UFM1: variants seen among roughly 807,000 people sequenced by gnomAD.
UFM1 encodes the protein ubiquitin-fold modifier 1.
In UFM1, 9 loss-of-function variants were observed where a neutral mutation model predicts 15.4. The ratio of observed to expected loss-of-function variants is 0.59; its 90% CI spans 0.35 to 1.02. The LOEUF (loss-of-function observed/expected upper bound fraction) is 1.02, where lower values mean the gene tolerates loss of function less well. Ranked by LOEUF, UFM1 falls within the 50% of genes least tolerant of loss-of-function variation. The pLI, the probability that UFM1 is intolerant of heterozygous loss-of-function variation, is 0.02. For missense variants in UFM1, 98 were observed against 104.7 expected (o/e 0.94, Z 0.28); for synonymous variants, 27 against 36.3 (o/e 0.74, Z 0.92).
chr13:38,357,547 C>T (rs1378859729), intron 3 of UFM1, among the ~76,000 whole-genome samples: 1 of 150,792 alleles, frequency 6.6e-6, no homozygotes, highest in Non-Finnish European at 1.5e-5. Context: ...ATGATATAGT[C>T]CAGTTGACCC....
At chr13:38,354,426 AAGT>A in intron 3 of UFM1, 130 bp downstream of exon 3, 1 of 632,066 alleles carries the variant, frequency 1.6e-6, no homozygotes, top group Non-Finnish European at 2.5e-6. Context: ...TGTTATCAAA[AAGT>A]AGGATGATAG....
At chr13:38,355,076 G>A (rs1693418108) in intron 3 of UFM1, among the ~76,000 whole-genome samples, 1 of 151,938 alleles carries the variant, frequency 6.6e-6, no homozygotes, top group Non-Finnish European at 1.5e-5. Context: ...AAACAGGTAC[G>A]TTGTAACCCA....
chr13:38,356,139 T>A (rs184420646), intron 3 of UFM1, among the ~76,000 whole-genome samples: 2 of 152,032 alleles, frequency 1.3e-5, no homozygotes, highest in Admixed American at 6.5e-5. Flanking sequence ...TCCTCATGGT[T>A]TAACCATTTC....
intron 2 of UFM1, among the ~76,000 whole-genome samples, chr13:38,351,163 C>A (rs1354580578): frequency 1.3e-5 from 2 of 152,186 alleles, no homozygotes. Context: ...AAATCATTCT[C>A]ATGCAAACAC....
chr13:38,361,276 A>C lies in UFM1; in HGVS notation c.*498A>C, dbSNP rs372903219. ...TAGACATATCAGTGAACAGTTAACT[A>C]TATTAAATTTTTATCATTTACTTTT... On this transcript the variant is annotated 3_prime_UTR_variant, in exon 6 of 6. Coordinates refer to ENST00000239878, the MANE Select transcript of UFM1 (RefSeq NM_016617.4). 6.6e-6 allele frequency: 1 copy of C among 152,016 alleles called. No homozygotes were observed. Among genetic ancestry groups the C allele is most frequent in the Non-Finnish European group, 1.5e-5 (1 of 68,028 alleles). 9.4% of individuals were successfully genotyped at this position (152,016 alleles called of 1,614,324 possible).
In UFM1 at chr13:38,361,073, G is replaced by C. The variant is rs1879359518; in HGVS notation, c.*295G>C. ...AGCCAACTGTTAACTGGAAGCTTTT[G>C]ATAATTTTTTTTTTTAGAACAATTT... On this transcript the variant is annotated 3_prime_UTR_variant, in exon 6 of 6. Transcript: ENST00000239878. 1 of 245,112 alleles carries C rather than the reference G, an allele frequency of 4.1e-6. No homozygotes were observed. Among genetic ancestry groups the C allele is most frequent in the African/African-American group, 2.2e-5 (1 of 44,708 alleles). The allele number at this position is 245,112 out of a possible 1,614,324, so 15.2% of individuals were successfully genotyped here.
chr13:38,360,677 G>C (rs767293147), intron 5 of UFM1, 34 bp from the exon 6 acceptor site: 50 of 1,471,272 alleles, frequency 3.4e-5, no homozygotes, highest in Non-Finnish European at 4.5e-5. Context: ...TTGATTTTTA[G>C]ATATCTAACT....
At position 38,358,137 on chromosome 13, in the gene UFM1, G is replaced by GAAA; in HGVS notation, c.157+7_157+8insAAA. On this transcript the variant is annotated splice_donor_region_variant and intron_variant, in intron 4 of 5. Transcript: ENST00000239878. ...CAAGTGCAATTATTACCAATGGTAA[G>GAAA]AATTCACTATAAAATTATGTATTAC... 6.9e-7 allele frequency: 1 copy of GAAA among 1,447,748 alleles called. No individual in the cohort carries two copies. Among genetic ancestry groups the GAAA allele is most frequent in the Non-Finnish European group, 9.2e-7 (1 of 1,085,906 alleles). 89.7% of individuals were successfully genotyped at this position (1,447,748 alleles called of 1,614,324 possible).
chr13:38,362,690 C>T lies in UFM1; in HGVS notation c.*1912C>T, dbSNP rs1879473392. On this transcript the variant is annotated 3_prime_UTR_variant, in exon 6 of 6. Transcript: ENST00000239878. ...TAGTTAAGCAGGAATTTATGAACAC[C>T]CATTTCCTGACTTTTTGCTTTAATT... 1 of 151,878 alleles carries T rather than the reference C, an allele frequency of 6.6e-6. No homozygotes were observed. The highest frequency in any genetic ancestry group is 1.5e-5 in the Non-Finnish European group (1 of 67,960). The allele number at this position is 151,878 out of a possible 1,614,324, so 9.4% of individuals were successfully genotyped here.
intron 3 of UFM1, among the ~76,000 whole-genome samples, chr13:38,355,303 A>G (rs554868860): frequency 1.3e-5 from 2 of 152,140 alleles, no homozygotes; most frequent in African/African-American, 4.8e-5. Flanking sequence ...ACTGCCAACT[A>G]GTAGCATTTG....
At chr13:38,359,766 C>G (rs1416689406) in intron 5 of UFM1, 1 of 161,732 alleles carries the variant, frequency 6.2e-6, no homozygotes, top group Non-Finnish European at 1.3e-5. Flanking sequence ...GGGGCTGAGT[C>G]TACATTCAGA....
chr13:38,351,915 CTG>C (rs148865827), intron 2 of UFM1, among the ~76,000 whole-genome samples: 4,346 of 152,100 alleles, frequency 0.029, 237 homozygotes, highest in African/African-American at 0.1. Flanking sequence ...ACAAGGGTAT[CTG>C]TGCTATATTT....
At chr13:38,351,831 G>A (rs1878867138) in intron 2 of UFM1, among the ~76,000 whole-genome samples, 1 of 152,172 alleles carries the variant, frequency 6.6e-6, no homozygotes, top group Non-Finnish European at 1.5e-5. Context: ...GTATGTATGT[G>A]TGCGTGTGTA....
intron 4 of UFM1, 152 bp from the exon 5 acceptor site, chr13:38,359,149 C>T: frequency 1.7e-6 from 1 of 574,070 alleles, no homozygotes; most frequent in Admixed American, 3.3e-5. Flanking sequence ...GATAATTTAC[C>T]TGAAAGATTG....
chr13:38,358,069 ATATT>A lies in UFM1; in HGVS notation c.118-22_118-19del. ...TGTGTGTGTGTGTGTATATATATATATATTTTTTTTTCCTTCTATTTAGTTTAAA... is the reference window on the plus strand; with the variant it reads ...TGTGTGTGTGTGTGTATATATATATATTTTTTTCCTTCTATTTAGTTTAAA... On this transcript the variant is annotated intron_variant, in intron 3 of 5. Transcript: ENST00000239878. 1 of 969,054 alleles carries A rather than the reference ATATT, an allele frequency of 1.0e-6. No homozygotes were observed. The highest frequency in any genetic ancestry group is 1.9e-5 in the African/African-American group (1 of 52,716). The allele number at this position is 969,054 out of a possible 1,614,324, so 60.0% of individuals were successfully genotyped here.
chr13:38,359,266 A>G (rs1475105350), intron 4 of UFM1, 35 bp from the exon 5 acceptor site: 5 of 1,601,402 alleles, frequency 3.1e-6, no homozygotes, highest in Non-Finnish European at 4.3e-6. Context: ...TTAGCTTTAG[A>G]AATAATGTAT....
At position 38,357,950 on chromosome 13, in the gene UFM1, T is replaced by C. The variant is rs140394503; in HGVS notation, c.118-143T>C. 110 of 378,378 alleles carry C rather than the reference T, an allele frequency of 2.9e-4. 1 individual carries two copies. In the Middle Eastern group the frequency reaches 5.5e-3, roughly 19 times the overall value. 23.4% of individuals were successfully genotyped at this position (378,378 alleles called of 1,614,324 possible). On this transcript the variant is annotated intron_variant, in intron 3 of 5. Coordinates refer to ENST00000239878, the MANE Select transcript of UFM1 (RefSeq NM_016617.4). ...CAAGGGTCAGCTGTACTTTCCTTGA[T>C]AGTTTCACTTATTCTAAAAGATTAA...
rs763421864 is a variant in UFM1 at position 38,362,489 on chromosome 13, ACT to A, written c.*1716_*1717del. 1.3e-4 allele frequency: 19 copies of A among 146,400 alleles called. No individual in the cohort carries two copies. Among genetic ancestry groups the A allele is most frequent in the Admixed American group, 4.8e-4 (7 of 14,580 alleles). 9.1% of individuals were successfully genotyped at this position (146,400 alleles called of 1,614,324 possible). ...TTTTGTTTTTTTTTTTTTGAGGCAG[ACT>A]CTCTGTCGCCAGGCTTCTCCTGCCT... On this transcript the variant is annotated 3_prime_UTR_variant, in exon 6 of 6. Coordinates refer to ENST00000239878, the MANE Select transcript of UFM1 (RefSeq NM_016617.4).
At chr13:38,357,218 T>G (rs1389597247) in intron 3 of UFM1, among the ~76,000 whole-genome samples, 1 of 151,960 alleles carries the variant, frequency 6.6e-6, no homozygotes, top group Admixed American at 6.6e-5. Context: ...AAGCCTTGGT[T>G]GTTACCTGAA....
Sources: gnomAD v4.1 joint callset for allele counts (sites outside exome capture counted in the v4.1 genomes callset) on GRCh38, gnomAD v4.1.1 for gene constraint, MANE v1.5 for transcripts, NCBI Gene and HGNC (gene_info 2026-07-23, HGNC 2026-07-21) for gene names.